Variants in OGDH observed in about 807,000 individuals in gnomAD.
The protein encoded by OGDH is oxoglutarate dehydrogenase.
In OGDH, 38 loss-of-function variants were observed where a neutral mutation model predicts 116.6. The observed-to-expected ratio is 0.33, with a 90% CI of 0.25 to 0.43. OGDH has a LOEUF of 0.43. Ranked by LOEUF, OGDH falls within the 20% of genes least tolerant of loss-of-function variation. The pLI is 1.00. For synonymous variants in OGDH, 488 were observed against 533.3 expected, an observed-to-expected ratio of 0.92 and a Z score of 1.17; for missense variants, 825 against 1,357.2, an observed-to-expected ratio of 0.61 and a Z score of 6.16.
chr7:44,645,324 T>C lies in OGDH; in HGVS notation c.223-3T>C, dbSNP rs1318987123. On this transcript the variant is annotated splice_region_variant and splice_polypyrimidine_tract_variant and intron_variant, in intron 2 of 22. Coordinates refer to ENST00000222673, the MANE Select transcript of OGDH (RefSeq NM_002541.4). ...GGTAACCCTGTACCTTCTTTGTCTTTAGTCATGGGACATTTTTTTTCGCAA... is the reference window on the plus strand; with the variant it reads ...GGTAACCCTGTACCTTCTTTGTCTTCAGTCATGGGACATTTTTTTTCGCAA... 3 of 1,613,576 alleles carry C rather than the reference T, an allele frequency of 1.9e-6. No homozygotes were observed. The highest frequency in any genetic ancestry group is 2.2e-5 in the East Asian group (1 of 44,886).
At chr7:44,648,049 ACTTCAGAGTATAG>A (rs1254883203) in intron 4 of OGDH, among the ~76,000 whole-genome samples, 1 of 152,234 alleles carries the variant, frequency 6.6e-6, no homozygotes, top group Non-Finnish European at 1.5e-5. Context: ...GATCAGAAGC[ACTTCAGAGTATAG>A]CTCTTTTGGC....
chr7:44,707,189 G>A lies in OGDH; in HGVS notation c.2633-36G>A. 1 of 1,610,226 alleles carries A rather than the reference G, an allele frequency of 6.2e-7. No individual in the cohort carries two copies. The highest frequency in any genetic ancestry group is 8.5e-7 in the Non-Finnish European group (1 of 1,177,844). ...CAGGAGAGCTCTCAGCCACATACCTGAGAGAACCAGCCTAGCCATGGGAAC... is the reference window on the plus strand; with the variant it reads ...CAGGAGAGCTCTCAGCCACATACCTAAGAGAACCAGCCTAGCCATGGGAAC... On this transcript the variant is annotated intron_variant, in intron 20 of 22. Transcript: ENST00000222673. This position sits in a 1 kb window ranked among gnomAD's most constrained non-coding sequence, Gnocchi z 5.2.
Position 44,696,430 on chromosome 7 carries a change from C to A in OGDH, c.1773C>A (p.Gly591=). Residue 591 remains glycine (G), a splice_region_variant and synonymous_variant, in exon 14 of 23, where the codon GGC becomes GGA. Coordinates refer to ENST00000222673, the MANE Select transcript of OGDH (RefSeq NM_002541.4). ...IKHWLDSPWP[G]FFTLDGQPRS... is the part of the protein sequence containing the mutation. ...CCTCAGTTGTTCTTCTTCTCCTAGG[C>A]TTCTTCACCCTGGACGGGCAGCCCA... 1 of 1,612,208 alleles carries A rather than the reference C, an allele frequency of 6.2e-7. No homozygotes were observed. The highest frequency in any genetic ancestry group is 8.5e-7 in the Non-Finnish European group (1 of 1,179,360).
In OGDH at chr7:44,708,083, C is replaced by G; in HGVS notation, c.*84C>G. Reference sequence around the variant, plus strand: ...TCTCAACTAAAGAATAGTGCCTCAGCGCTGCCCACACCACCGCCCTCCTCG... The same window carrying G: ...TCTCAACTAAAGAATAGTGCCTCAGGGCTGCCCACACCACCGCCCTCCTCG... On this transcript the variant is annotated 3_prime_UTR_variant, in exon 23 of 23. Coordinates refer to ENST00000222673, the MANE Select transcript of OGDH (RefSeq NM_002541.4). The G allele has an allele frequency of 1.3e-6, 2 of 1,524,758 alleles. No homozygotes were observed. Among genetic ancestry groups the G allele is most frequent in the Non-Finnish European group, 1.8e-6 (2 of 1,132,698 alleles). 94.5% of individuals were successfully genotyped at this position (1,524,758 alleles called of 1,614,324 possible).
chr7:44,642,401 G>T (rs944289891), intron 2 of OGDH, among the ~76,000 whole-genome samples: 10 of 152,266 alleles, frequency 6.6e-5, no homozygotes, highest in African/African-American at 2.2e-4. Flanking sequence ...TCCAGCCTGG[G>T]CAGCAGAGCC....
chr7:44,646,439 C>T (rs1406391211), intron 3 of OGDH, among the ~76,000 whole-genome samples: 1 of 152,202 alleles, frequency 6.6e-6, no homozygotes, highest in Non-Finnish European at 1.5e-5. Flanking sequence ...CATGGCCTGG[C>T]AAGTAAGGCT....
At chr7:44,706,796 A>AT (rs1203593638) in intron 20 of OGDH, among the ~76,000 whole-genome samples, 9 of 141,490 alleles carry the variant, frequency 6.4e-5, no homozygotes, top group Non-Finnish European at 1.2e-4. Context: ...CATTTTTTGT[A>AT]TTTTTTTAGT....
intron 3 of OGDH, among the ~76,000 whole-genome samples, chr7:44,646,206 C>T (rs1281876030): frequency 2.0e-5 from 3 of 152,148 alleles, no homozygotes; most frequent in East Asian, 3.8e-4. Context: ...GTTCTAAGGA[C>T]GACAGGTAGA....
At chr7:44,692,567 C>T (rs775254554) in intron 10 of OGDH, among the ~76,000 whole-genome samples, 28 of 152,072 alleles carry the variant, frequency 1.8e-4, no homozygotes, top group Non-Finnish European at 3.7e-4. Context: ...ATGGCGAAAC[C>T]GTTGGGATTT....
rs200021011 is a variant in OGDH, at chr7:44,673,972, A to G, written c.788+31A>G. 1.8e-3 allele frequency: 2,981 copies of G among 1,613,248 alleles called. 4 individuals carry two copies. The highest frequency in any genetic ancestry group is 2.3e-3 in the Non-Finnish European group (2,717 of 1,179,318). On this transcript the variant is annotated intron_variant, in intron 6 of 22. Coordinates refer to ENST00000222673, the MANE Select transcript of OGDH (RefSeq NM_002541.4). ...GGTCTGGCCCTGGGCCATGGGGCAG[A>G]CATTCCCAGGGAAGCAGTGACCCTG...
chr7:44,672,631 C>CTT (rs1585334458), intron 5 of OGDH, among the ~76,000 whole-genome samples: 1 of 140,908 alleles, frequency 7.1e-6, no homozygotes, highest in African/African-American at 2.8e-5. Context: ...AGAGGGATTT[C>CTT]TTTTTGTTTT....
intron 9 of OGDH, among the ~76,000 whole-genome samples, chr7:44,678,688 C>G (rs577325344): frequency 6.6e-6 from 1 of 152,176 alleles, no homozygotes; most frequent in Admixed American, 6.5e-5. Context: ...CGTCACCTTG[C>G]CTCAAGCCCT....
intron 1 of OGDH, among the ~76,000 whole-genome samples, chr7:44,620,820 A>G (rs1413249975): frequency 6.6e-6 from 1 of 152,134 alleles, no homozygotes; most frequent in Non-Finnish European, 1.5e-5. Context: ...GGCCCTAGAC[A>G]ATTCTTCCAA....
chr7:44,647,879 A>G, intron 4 of OGDH, 120 bp downstream of exon 4: 1 of 705,288 alleles, frequency 1.4e-6, no homozygotes, highest in Non-Finnish European at 2.4e-6. Flanking sequence ...CATTCTGATC[A>G]CTTGAAATTT....
At position 44,675,274 on chromosome 7, in the gene OGDH, G is replaced by A. The variant is rs1452457021; in HGVS notation, c.1026+6G>A. 3 of 1,611,806 alleles carry A rather than the reference G, an allele frequency of 1.9e-6. No homozygotes were observed. The highest frequency in any genetic ancestry group is 3.3e-5 in the Admixed American group (2 of 59,966). On this transcript the variant is annotated splice_donor_region_variant and intron_variant, in intron 8 of 22. Coordinates refer to ENST00000222673, the MANE Select transcript of OGDH (RefSeq NM_002541.4). ...AGCTGGAGGCAGCTGATGAGGTGAG[G>A]CACCTGCATAGAGACACATCCAGCA...
At position 44,624,865 on chromosome 7, in the gene OGDH, A is replaced by T. The variant is rs570839812; in HGVS notation, c.222+300A>T. Among the ~76,000 whole-genome samples, 1,447 of 152,322 alleles carry T rather than the reference A, an allele frequency of 9.5e-3. 12 individuals carry two copies. Among genetic ancestry groups the T allele is most frequent in the Admixed American group, 0.014 (216 of 15,298 alleles). On this transcript the variant is annotated intron_variant, in intron 2 of 22. Transcript: ENST00000222673. Reference sequence around the variant, plus strand: ...GATGAAGCCGCTGAAGAAAGAAGAAAGAAAGAAAGTGTGTGGAAAAGAGCA... The same window carrying T: ...GATGAAGCCGCTGAAGAAAGAAGAATGAAAGAAAGTGTGTGGAAAAGAGCA...
chr7:44,618,565 C>G (rs11767009), intron 1 of OGDH, among the ~76,000 whole-genome samples: 47,290 of 152,014 alleles, frequency 0.31, 8,687 homozygotes, highest in Non-Finnish European at 0.41. Flanking sequence ...CTAAAATAAG[C>G]ATGTATTTTG....
rs1227786370 is a variant in OGDH, at chr7:44,697,304, G to A, written c.2052-66G>A. 6.9e-6 allele frequency: 11 copies of A among 1,600,034 alleles called. No homozygotes were observed. The highest frequency in any genetic ancestry group is 4.0e-5 in the African/African-American group (3 of 74,666). ...CATGGCATCTGCTGGTGCTTCGTGCGGGTCCCCAGCGTATTTGCTTGTCAA... is the reference window on the plus strand; with the variant it reads ...CATGGCATCTGCTGGTGCTTCGTGCAGGTCCCCAGCGTATTTGCTTGTCAA... On this transcript the variant is annotated intron_variant, in intron 15 of 22. Coordinates refer to ENST00000222673, the MANE Select transcript of OGDH (RefSeq NM_002541.4). This position sits in a 1 kb window ranked among gnomAD's most constrained non-coding sequence, Gnocchi z 6.0.
At chr7:44,610,222 A>G (rs1458230807) in intron 1 of OGDH, among the ~76,000 whole-genome samples, 1 of 151,972 alleles carries the variant, frequency 6.6e-6, no homozygotes, top group African/African-American at 2.4e-5. Context: ...AATGTATTCT[A>G]GATACCACTG....
Sources: allele counts gnomAD v4.1 joint callset (sites outside exome capture counted in the v4.1 genomes callset), GRCh38; gene constraint gnomAD v4.1.1; non-coding constraint Gnocchi (gnomAD v3.1); transcripts MANE v1.5; gene names NCBI Gene and HGNC (gene_info 2026-07-23, HGNC 2026-07-21).